The following YTHDF1 variants were observed in gnomAD, a reference collection of about 807,000 sequenced individuals.
YTHDF1 encodes YTH domain-containing family protein 1.
A neutral mutation model predicts 49.1 loss-of-function variants in YTHDF1; 16 were observed. The ratio of observed to expected loss-of-function variants is 0.33; its 90% CI spans 0.22 to 0.49. The LOEUF (loss-of-function observed/expected upper bound fraction) is 0.49, where lower values mean the gene tolerates loss of function less well. Among genes scored for constraint, YTHDF1 ranks in the 20% least tolerant of loss-of-function variants. YTHDF1 has a pLI of 0.99. For synonymous variants in YTHDF1, 313 were observed against 290.1 expected (o/e 1.08, Z -0.80); for missense variants, 621 against 744.3 (o/e 0.83, Z 1.93).
chr20:63,213,575 T>C (rs1201468042), intron 3 of YTHDF1, among the ~76,000 whole-genome samples: 1 of 152,100 alleles, frequency 6.6e-6, no homozygotes, highest in Non-Finnish European at 1.5e-5. Context: ...ACACCTCCAC[T>C]GCGTCAAAGG....
At chr20:63,209,682 C>T (rs142979703) in intron 3 of YTHDF1, among the ~76,000 whole-genome samples, 117 of 152,262 alleles carry the variant, frequency 7.7e-4, no homozygotes, top group African/African-American at 2.6e-3. Context: ...ACTGCACTTC[C>T]GCCCAGGTGA....
intron 4 of YTHDF1, among the ~76,000 whole-genome samples, 190 bp from the exon 5 acceptor site, chr20:63,196,924 C>T (rs2066495195): frequency 6.6e-6 from 1 of 152,192 alleles, no homozygotes; most frequent in Non-Finnish European, 1.5e-5. Context: ...ACTGGCCACA[C>T]TGGGCATGGC....
intron 2 of YTHDF1, 45 bp downstream of exon 2, chr20:63,215,532 C>G: frequency 6.2e-7 from 1 of 1,613,368 alleles, no homozygotes; most frequent in Non-Finnish European, 8.5e-7. Context: ...CTTCCCCGTC[C>G]TCCTCCACTC....
rs760773182 is a variant in YTHDF1 at position 63,202,653 on chromosome 20, G to A, written c.1287C>T (p.Ser429=). 6 of 1,613,840 alleles carry A rather than the reference G, an allele frequency of 3.7e-6. No individual in the cohort carries two copies. In the South Asian group the frequency reaches 6.6e-5, roughly 18 times the overall value. Residue 429 remains serine, a synonymous_variant, in exon 4 of 5, where the codon AGC becomes AGT. Coordinates refer to ENST00000370339, the MANE Select transcript of YTHDF1 (RefSeq NM_017798.4). Reference sequence around the variant, plus strand: ...AGAGCAGGTAGACGGGCCCCTTGCTGCTCATGCAGCGGAAGGCGCTGTCCA... The same window carrying A: ...AGAGCAGGTAGACGGGCCCCTTGCTACTCATGCAGCGGAAGGCGCTGTCCA... ...KRLDSAFRCM[S]SKGPVYLLFS...
intron 3 of YTHDF1, among the ~76,000 whole-genome samples, chr20:63,212,139 C>T (rs1424668743): frequency 6.6e-6 from 1 of 152,176 alleles, no homozygotes; most frequent in Non-Finnish European, 1.5e-5. Flanking sequence ...AACTTCCTGC[C>T]ATTACCTCTA....
chr20:63,203,546 A>T lies in YTHDF1; in HGVS notation c.394T>A (p.Trp132Arg). ...TGACCTTGAGACCCACTTGTCCCCC[A>T]TGCTGAGAACGCAGGGTTTTCAGGG... ...FFPENPAFSA[W>R]GTSGSQGQQT... The change falls in exon 4 of 5, where the codon TGG becomes AGG. Residue 132 changes from tryptophan (W) to arginine (R), a missense_variant. By Grantham distance (101) the Trp-to-Arg change is moderately radical. Around this residue, in one of 2 missense-constraint regions of YTHDF1, gnomAD observed 470 missense variants for 495.8 expected, o/e 0.95. Transcript: ENST00000370339. The surrounding 1 kb of genome is among the most constrained non-coding windows in gnomAD (Gnocchi z 4.4). 1 of 1,614,078 alleles carries T rather than the reference A, an allele frequency of 6.2e-7. No individual in the cohort carries two copies.
rs1359783053 is a variant in YTHDF1 at position 63,213,741 on chromosome 20, C to T, written c.132+123G>A. The T allele has an allele frequency of 9.3e-6, 8 of 856,630 alleles. No homozygotes were observed. In the East Asian group the frequency reaches 1.7e-4, roughly 18 times the overall value. The allele number at this position is 856,630 out of a possible 1,614,324, so 53.1% of individuals were successfully genotyped here. A position where few individuals can be genotyped will look rare whatever the true frequency, so the allele number is the denominator to read the frequency against. ...ACATCTTCATGAGCAGTCTATCATT[C>T]CTAATACTTTATAGTCTGCTGCTTT... On this transcript the variant is annotated intron_variant, in intron 3 of 4. Coordinates refer to ENST00000370339, the MANE Select transcript of YTHDF1 (RefSeq NM_017798.4).
At chr20:63,199,203 G>C (rs779832512) in intron 4 of YTHDF1, among the ~76,000 whole-genome samples, 2 of 152,152 alleles carry the variant, frequency 1.3e-5, no homozygotes, top group African/African-American at 4.8e-5. Context: ...CCCTCTCCTC[G>C]GCACACTACT....
intron 1 of YTHDF1, 89 bp from the exon 2 acceptor site, chr20:63,215,690 C>A (rs2066598612): frequency 2.1e-6 from 3 of 1,462,916 alleles, no homozygotes; most frequent in Non-Finnish European, 2.7e-6. Context: ...TGGTCTCCAA[C>A]GGGCCGCGAG....
At chr20:63,213,725 T>A in intron 3 of YTHDF1, 139 bp downstream of exon 3, 1 of 745,640 alleles carries the variant, frequency 1.3e-6, no homozygotes, top group South Asian at 1.9e-5. Context: ...CACATCTTCA[T>A]GAGCAGTCTA....
chr20:63,213,708 C>G (rs890631142), intron 3 of YTHDF1, among the ~76,000 whole-genome samples, 156 bp downstream of exon 3: 2 of 152,192 alleles, frequency 1.3e-5, no homozygotes, highest in African/African-American at 4.8e-5. Flanking sequence ...CCAAGGTTAA[C>G]AGGAGTCACA....
Position 63,196,641 on chromosome 20 carries a change from C to T in YTHDF1, c.*67G>A, listed in dbSNP as rs2066493678. On this transcript the variant is annotated 3_prime_UTR_variant, in exon 5 of 5. Transcript: ENST00000370339. ...GCACGGGACGACACACTGGAGCTGA[C>T]CAAGCACACGTGTTTTAAACTGTTT... 32 of 1,599,054 alleles carry T rather than the reference C, an allele frequency of 2.0e-5. 1 individual carries two copies. In the South Asian group the frequency reaches 2.9e-4, roughly 14 times the overall value.
At position 63,196,602 on chromosome 20, in the gene YTHDF1, A is replaced by G. The variant is rs928038533; in HGVS notation, c.*106T>C. The G allele has an allele frequency of 5.2e-6, 7 of 1,342,968 alleles. No homozygotes were observed. The highest frequency in any genetic ancestry group is 7.3e-6 in the Non-Finnish European group (7 of 964,630). The allele number at this position is 1,342,968 out of a possible 1,614,324, so 83.2% of individuals were successfully genotyped here. ...TCAACGACAAGAAAGGCAAAGATGC[A>G]ACACTCAACCCCCGCACGGGACGAC... On this transcript the variant is annotated 3_prime_UTR_variant, in exon 5 of 5. Coordinates refer to ENST00000370339, the MANE Select transcript of YTHDF1 (RefSeq NM_017798.4).
intron 4 of YTHDF1, among the ~76,000 whole-genome samples, chr20:63,199,379 C>T (rs1049975266): frequency 3.3e-5 from 5 of 152,040 alleles, no homozygotes; most frequent in African/African-American, 4.8e-5. Context: ...ATTCGCTGGG[C>T]GTGGTGGCAA....
In YTHDF1 at chr20:63,196,142, G is replaced by T. The variant is rs1487599230; in HGVS notation, c.*566C>A. ...AAAGATTTTCAAAAAAAAAAAAAAA[G>T]TGTCTGCCAAATTTGAAAAATTAAA... is the stretch of plus-strand genomic sequence containing the variant. On this transcript the variant is annotated 3_prime_UTR_variant, in exon 5 of 5. Coordinates refer to ENST00000370339, the MANE Select transcript of YTHDF1 (RefSeq NM_017798.4). 6.8e-6 allele frequency: 1 copy of T among 147,884 alleles called. No individual in the cohort carries two copies. Among genetic ancestry groups the T allele is most frequent in the Non-Finnish European group, 1.5e-5 (1 of 67,156 alleles). The allele number at this position is 147,884 out of a possible 1,614,324, so 9.2% of individuals were successfully genotyped here. A position where few individuals can be genotyped will look rare whatever the true frequency, so the allele number is the denominator to read the frequency against.
At position 63,196,225 on chromosome 20, in the gene YTHDF1, G is replaced by A. The variant is rs2066491954; in HGVS notation, c.*483C>T. The A allele has an allele frequency of 6.6e-6, 1 of 151,880 alleles. No homozygotes were observed. Among genetic ancestry groups the A allele is most frequent in the Non-Finnish European group, 1.5e-5 (1 of 68,182 alleles). 9.4% of individuals were successfully genotyped at this position (151,880 alleles called of 1,614,324 possible). On this transcript the variant is annotated 3_prime_UTR_variant, in exon 5 of 5. Transcript: ENST00000370339. ...AAATTAGCACTTTAGACCGATAACAGATAATAAAATGACAAATCAGAATGA... is the reference window on the plus strand; with the variant it reads ...AAATTAGCACTTTAGACCGATAACAAATAATAAAATGACAAATCAGAATGA...
In YTHDF1 at chr20:63,203,850, G is replaced by C; in HGVS notation, c.133-43C>G. On this transcript the variant is annotated intron_variant, in intron 3 of 4. Transcript: ENST00000370339. The surrounding 1 kb of genome is among the most constrained non-coding windows in gnomAD (Gnocchi z 4.4). ...ACAAGTTACACCACTTCTACAACAC[G>C]AGATGCTGAGAATGCCAACCGCCTC... The C allele has an allele frequency of 1.3e-6, 2 of 1,536,582 alleles. No homozygotes were observed. Among genetic ancestry groups the C allele is most frequent in the Non-Finnish European group, 1.8e-6 (2 of 1,135,792 alleles).
rs1301048954 is a variant in YTHDF1 at position 63,203,985 on chromosome 20, T to C, written c.133-178A>G. On this transcript the variant is annotated intron_variant, in intron 3 of 4. Coordinates refer to ENST00000370339, the MANE Select transcript of YTHDF1 (RefSeq NM_017798.4). The surrounding 1 kb of genome is among the most constrained non-coding windows in gnomAD (Gnocchi z 4.4). ...GAGAACCAAATCAAGACAGAGAAAT[T>C]AATAACGAACACAAACCAGGGTGCC... 6.6e-6 allele frequency among the ~76,000 whole-genome samples: 1 copy of C among 152,054 alleles called. No individual in the cohort carries two copies. Among genetic ancestry groups the C allele is most frequent in the African/African-American group, 2.4e-5 (1 of 41,382 alleles).
In YTHDF1 at chr20:63,215,932, G is replaced by A. The variant is rs1464279356; in HGVS notation, c.-40C>T. 12 of 1,355,880 alleles carry A rather than the reference G, an allele frequency of 8.9e-6. No homozygotes were observed. Among genetic ancestry groups the A allele is most frequent in the Non-Finnish European group, 1.0e-5 (11 of 1,049,122 alleles). The allele number at this position is 1,355,880 out of a possible 1,614,324, so 84.0% of individuals were successfully genotyped here. A position where few individuals can be genotyped will look rare whatever the true frequency, so the allele number is the denominator to read the frequency against. The stretch of plus-strand genomic sequence containing the variant: ...TAGACGCGGGGCCGGGGCGCCCGCC[G>A]GCTCGGGCCTCCCCTAGAGGCCGGG... On this transcript the variant is annotated 5_prime_UTR_variant, in exon 1 of 5. Transcript: ENST00000370339.
Sources: gnomAD v4.1 joint callset for allele counts (sites outside exome capture counted in the v4.1 genomes callset) on GRCh38, gnomAD v4.1.1 for gene constraint, gnomAD v4.1.1 regional missense constraint, Gnocchi (gnomAD v3.1) non-coding constraint, MANE v1.5 for transcripts, NCBI Gene and HGNC (gene_info 2026-07-23, HGNC 2026-07-21) for gene names.